DPP6: variants seen among roughly 807,000 people sequenced by gnomAD.
The protein encoded by DPP6 is dipeptidyl peptidase like 6, also known as A-type potassium channel modulatory protein DPP6.
A neutral mutation model predicts 122.6 loss-of-function variants in DPP6; 69 were observed. The ratio of observed to expected loss-of-function variants is 0.56; its 90% CI spans 0.46 to 0.69. The LOEUF is 0.69. Among genes scored for constraint, DPP6 ranks in the 30% least tolerant of loss-of-function variants. The probability of loss-of-function intolerance (pLI) is 0.00; values close to 1 mark genes in which losing one functional copy is unlikely to be tolerated. For missense variants in DPP6, 928 were observed against 1,116.9 expected, an observed-to-expected ratio of 0.83 and a Z score of 2.41; for synonymous variants, 418 against 433.1, an observed-to-expected ratio of 0.97 and a Z score of 0.43.
chr7:154,196,228 G>C (rs895017382), intron 1 of DPP6, among the ~76,000 whole-genome samples: 1 of 152,192 alleles, frequency 6.6e-6, no homozygotes, highest in African/African-American at 2.4e-5. Context: ...GGTGGCTCAT[G>C]CCTGTAATCC....
At chr7:153,975,079 T>TA (rs1040026868) in intron 1 of DPP6, among the ~76,000 whole-genome samples, 5 of 152,100 alleles carry the variant, frequency 3.3e-5, no homozygotes, top group Non-Finnish European at 7.4e-5. Context: ...ACCTACTACG[T>TA]ACCAGCCAGA....
intron 1 of DPP6, among the ~76,000 whole-genome samples, chr7:153,989,460 C>T (rs1288832551): frequency 1.1e-3 from 161 of 151,594 alleles, no homozygotes; most frequent in African/African-American, 3.4e-3. Context: ...CTCGGAGGTC[C>T]TCCTGGGCTG....
chr7:154,499,042 G>A (rs991012205), intron 3 of DPP6, among the ~76,000 whole-genome samples: 6 of 152,176 alleles, frequency 3.9e-5, no homozygotes, highest in Non-Finnish European at 7.3e-5. Flanking sequence ...GCTCACATCT[G>A]TCTCGTGGCC....
chr7:154,320,454 T>C (rs370852491), intron 1 of DPP6, among the ~76,000 whole-genome samples: 13 of 147,410 alleles, frequency 8.8e-5, no homozygotes, highest in East Asian at 2.0e-4. Context: ...TATGAAGAGA[T>C]AAAATAGCCA....
chr7:154,077,529 C>T (rs1039281149), intron 1 of DPP6, among the ~76,000 whole-genome samples: 2 of 152,144 alleles, frequency 1.3e-5, no homozygotes, highest in African/African-American at 4.8e-5. Context: ...TGTCCAGCCC[C>T]CTGGCCTCTA....
intron 6 of DPP6, among the ~76,000 whole-genome samples, chr7:154,647,979 A>T (rs1351832985): frequency 6.6e-6 from 1 of 151,982 alleles, no homozygotes; most frequent in Non-Finnish European, 1.5e-5. Flanking sequence ...GGCCGGGCAC[A>T]GTGGCTCACG....
At chr7:154,536,174 G>A (rs1828236956) in intron 3 of DPP6, among the ~76,000 whole-genome samples, 1 of 152,138 alleles carries the variant, frequency 6.6e-6, no homozygotes, top group Non-Finnish European at 1.5e-5. Context: ...ATTATGGTAA[G>A]TGAAAGGAGA....
the DPP6 span, among the ~76,000 whole-genome samples, chr7:153,755,332 C>T: frequency 5.5e-5 from 8 of 144,806 alleles, no homozygotes; most frequent in African/African-American, 2.1e-4. Context: ...CTCTTCAAGA[C>T]TTTAAATCTT....
At chr7:153,837,516 G>A in the DPP6 span, among the ~76,000 whole-genome samples, 1 of 152,120 alleles carries the variant, frequency 6.6e-6, no homozygotes, top group Admixed American at 6.6e-5. Context: ...ACTCATCTTT[G>A]TGCCATGCTA....
chr7:154,376,067 G>A (rs774693207), intron 1 of DPP6, among the ~76,000 whole-genome samples: 12 of 152,212 alleles, frequency 7.9e-5, no homozygotes, highest in East Asian at 7.7e-4. Context: ...CCCGGAAACC[G>A]TGTGCATTTG....
the DPP6 span, among the ~76,000 whole-genome samples, chr7:153,765,322 A>G: frequency 6.6e-6 from 1 of 152,032 alleles, no homozygotes; most frequent in Non-Finnish European, 1.5e-5. Flanking sequence ...CAGGTGGATC[A>G]CCTGAGGTCA....
chr7:153,951,262 C>T (rs78850980), intron 1 of DPP6, among the ~76,000 whole-genome samples: 1,833 of 152,248 alleles, frequency 0.012, 87 homozygotes, highest in Admixed American at 0.085. Flanking sequence ...GCGTGGAACT[C>T]GCCAACACGC....
chr7:154,362,192 G>C (rs1485882085), intron 1 of DPP6, among the ~76,000 whole-genome samples: 1 of 152,188 alleles, frequency 6.6e-6, no homozygotes, highest in East Asian at 1.9e-4. Context: ...CTGGTCCTAG[G>C]GAGATGAATA....
At chr7:153,782,973 A>T in the DPP6 span, among the ~76,000 whole-genome samples, 11,218 of 152,146 alleles carry the variant, frequency 0.074, 1,364 homozygotes, top group African/African-American at 0.25. Flanking sequence ...CCTGGCTCTG[A>T]GGTAGTTGCT....
At chr7:154,591,055 T>C (rs1167284699) in intron 5 of DPP6, among the ~76,000 whole-genome samples, 1 of 152,154 alleles carries the variant, frequency 6.6e-6, no homozygotes, top group East Asian at 1.9e-4. Flanking sequence ...AAAATCAACC[T>C]GTGATGAGTT....
chr7:154,699,532 C>T (rs1840398702), intron 7 of DPP6, among the ~76,000 whole-genome samples: 1 of 152,172 alleles, frequency 6.6e-6, no homozygotes, highest in African/African-American at 2.4e-5. Flanking sequence ...GCCCCGTGGC[C>T]CAGCCTTGTT....
chr7:153,990,608 C>T (rs983614736), intron 1 of DPP6, among the ~76,000 whole-genome samples: 1 of 152,012 alleles, frequency 6.6e-6, no homozygotes, highest in African/African-American at 2.4e-5. Context: ...CCTCGCCTGC[C>T]CTGGAGCCCC....
chr7:154,754,110 T>C (rs1428900274), intron 8 of DPP6, among the ~76,000 whole-genome samples: 1 of 152,236 alleles, frequency 6.6e-6, no homozygotes, highest in African/African-American at 2.4e-5. Context: ...AATGTGTTTT[T>C]GTTGAGATTA....
chr7:154,623,409 C>A (rs1001737398), intron 5 of DPP6, among the ~76,000 whole-genome samples: 1 of 152,148 alleles, frequency 6.6e-6, no homozygotes, highest in Non-Finnish European at 1.5e-5. Flanking sequence ...AGGGGCGGTG[C>A]CTTTTGCTGC....
Sources: allele counts gnomAD v4.1 joint callset (sites outside exome capture counted in the v4.1 genomes callset), GRCh38; gene constraint gnomAD v4.1.1; transcripts MANE v1.5; gene names NCBI Gene and HGNC (gene_info 2026-07-23, HGNC 2026-07-21).